XPO7: variants seen among roughly 807,000 people sequenced by gnomAD.
XPO7 encodes the protein exportin-7.
In XPO7, 21 loss-of-function variants were observed where a neutral mutation model predicts 144.3. The observed-to-expected ratio is 0.15, with a 90% confidence interval of 0.10 to 0.21. XPO7 has a LOEUF of 0.21. Ranked by LOEUF, XPO7 falls within the 10% of genes least tolerant of loss-of-function variation. The pLI is 1.00. For missense variants in XPO7, 808 were observed against 1,325.8 expected (o/e 0.61, Z 6.06); for synonymous variants, 580 against 499.6 (o/e 1.16, Z -2.15).
intron 1 of XPO7, among the ~76,000 whole-genome samples, chr8:21,948,175 A>G (rs1811253018): frequency 6.6e-6 from 1 of 152,236 alleles, no homozygotes; most frequent in Non-Finnish European, 1.5e-5. Context: ...TTCACAATGC[A>G]GTCATGCACT....
At chr8:21,989,468 A>G (rs1393798340) in intron 16 of XPO7, among the ~76,000 whole-genome samples, 2 of 152,218 alleles carry the variant, frequency 1.3e-5, no homozygotes, top group Admixed American at 6.5e-5. Context: ...AAGCTTTGTG[A>G]TTGAAGTGAT....
chr8:21,980,400 TGTAGGAGTTACAG>T (rs1302888591), intron 9 of XPO7, among the ~76,000 whole-genome samples, 197 bp downstream of exon 9: 1 of 152,162 alleles, frequency 6.6e-6, no homozygotes, highest in Non-Finnish European at 1.5e-5. Context: ...GCTTCAGAAA[TGTAGGAGTTACAG>T]GAAAGAATCA....
intron 12 of XPO7, among the ~76,000 whole-genome samples, 156 bp downstream of exon 12, chr8:21,984,995 C>A (rs1812532495): frequency 6.6e-6 from 1 of 152,184 alleles, no homozygotes; most frequent in Non-Finnish European, 1.5e-5. Context: ...TGAATAAATC[C>A]CTCAAGGGAC....
chr8:21,979,616 C>G (rs548108764), intron 8 of XPO7, among the ~76,000 whole-genome samples: 1 of 148,896 alleles, frequency 6.7e-6, no homozygotes, highest in African/African-American at 2.5e-5. Flanking sequence ...ACTATGTTTG[C>G]CAGGCTGGTC....
intron 1 of XPO7, among the ~76,000 whole-genome samples, chr8:21,958,787 C>T (rs570582123): frequency 2.2e-4 from 33 of 151,962 alleles, no homozygotes; most frequent in African/African-American, 8.0e-4. Flanking sequence ...TGGGGAAAAC[C>T]CCATCTCTAC....
At chr8:21,957,711 G>T (rs529653119) in intron 1 of XPO7, among the ~76,000 whole-genome samples, 2 of 152,154 alleles carry the variant, frequency 1.3e-5, no homozygotes, top group Non-Finnish European at 2.9e-5. Flanking sequence ...ATGTTAAGAC[G>T]TTCTTATGAA....
At chr8:21,994,289 G>A in intron 19 of XPO7, 74 bp from the exon 20 acceptor site, 1 of 1,083,588 alleles carries the variant, frequency 9.2e-7, no homozygotes, top group South Asian at 1.3e-5. Flanking sequence ...GATGATACAT[G>A]TGTGGAATCC....
intron 18 of XPO7, among the ~76,000 whole-genome samples, 193 bp downstream of exon 18, chr8:21,991,112 A>C (rs1472590574): frequency 6.6e-6 from 1 of 152,240 alleles, no homozygotes; most frequent in African/African-American, 2.4e-5. Flanking sequence ...AGAGAGTAAC[A>C]GTCTGCTCCT....
chr8:21,999,086 C>T lies in XPO7; in HGVS notation c.2429-5C>T. 1 of 1,613,836 alleles carries T rather than the reference C, an allele frequency of 6.2e-7. No individual in the cohort carries two copies. Among genetic ancestry groups the T allele is most frequent in the Non-Finnish European group, 8.5e-7 (1 of 1,179,744 alleles). On this transcript the variant is annotated splice_polypyrimidine_tract_variant and splice_region_variant and intron_variant, in intron 22 of 27. Transcript: ENST00000252512. ...TGAATAAACATATATGACATGTCTACTCAGGCAATCGCATCCTGACACTAG... is the reference window on the plus strand; with the variant it reads ...TGAATAAACATATATGACATGTCTATTCAGGCAATCGCATCCTGACACTAG...
At chr8:21,939,074 T>C (rs1563313158) in intron 1 of XPO7, among the ~76,000 whole-genome samples, 1 of 152,206 alleles carries the variant, frequency 6.6e-6, no homozygotes, top group Non-Finnish European at 1.5e-5. Flanking sequence ...AAATTTCAAG[T>C]TGATAATAAA....
chr8:21,946,640 A>ATTT (rs61593432), intron 1 of XPO7, among the ~76,000 whole-genome samples: 8 of 122,650 alleles, frequency 6.5e-5, no homozygotes, highest in South Asian at 2.6e-4. Context: ...GCAAAACAGG[A>ATTT]TTTTTTTTTT....
intron 1 of XPO7, among the ~76,000 whole-genome samples, chr8:21,942,796 G>A (rs557040589): frequency 5.9e-5 from 9 of 152,324 alleles, no homozygotes; most frequent in African/African-American, 2.2e-4. Context: ...TCACATGGAA[G>A]ACAATGTCAC....
chr8:21,940,314 T>C (rs1434933439), intron 1 of XPO7, among the ~76,000 whole-genome samples: 1 of 152,168 alleles, frequency 6.6e-6, no homozygotes, highest in African/African-American at 2.4e-5. Flanking sequence ...AAATAGTAGA[T>C]GAGTAATAAA....
At chr8:21,955,435 TC>T (rs1156791972) in intron 1 of XPO7, among the ~76,000 whole-genome samples, 4 of 152,242 alleles carry the variant, frequency 2.6e-5, no homozygotes, top group African/African-American at 7.2e-5. Flanking sequence ...ACAGTAAACT[TC>T]AACACGGATT....
chr8:21,983,989 A>G (rs964057178), intron 11 of XPO7, among the ~76,000 whole-genome samples: 1 of 152,226 alleles, frequency 6.6e-6, no homozygotes, highest in South Asian at 2.1e-4. Flanking sequence ...CTTGTCTGCA[A>G]TTCCAAAGTC....
In XPO7 at chr8:21,980,120, A is replaced by G; in HGVS notation, c.874A>G (p.Arg292Gly). The G allele has an allele frequency of 6.2e-7, 1 of 1,604,642 alleles. No individual in the cohort carries two copies. Among genetic ancestry groups the G allele is most frequent in the Non-Finnish European group, 8.5e-7 (1 of 1,175,034 alleles). Residue 292 changes from arginine (R) to glycine (G), a missense_variant, in exon 9 of 28, where the codon AGA becomes GGA. Arg to Gly is a moderately radical substitution (Grantham distance 125, BLOSUM62 -2). Coordinates refer to ENST00000252512, the MANE Select transcript of XPO7 (RefSeq NM_015024.5). ...CTTGGTACAGATCGCTTCAGTCAGAAGATCCCTGTTTAACAATGCAGAGAG... is the reference window on the plus strand; with the variant it reads ...CTTGGTACAGATCGCTTCAGTCAGAGGATCCCTGTTTAACAATGCAGAGAG... ...SCLVQIASVRRSLFNNAERAK... is the reference protein window; with the variant it reads ...SCLVQIASVRGSLFNNAERAK...
At chr8:21,949,266 AGG>A (rs1366981307) in intron 1 of XPO7, among the ~76,000 whole-genome samples, 1 of 152,168 alleles carries the variant, frequency 6.6e-6, no homozygotes, top group African/African-American at 2.4e-5. Context: ...TTTACTTCCT[AGG>A]GTAGCACGAG....
intron 5 of XPO7, among the ~76,000 whole-genome samples, chr8:21,973,019 A>T (rs111533390): frequency 0.012 from 1,803 of 152,158 alleles, 22 homozygotes; most frequent in South Asian, 0.028. Flanking sequence ...TTTTATTCTC[A>T]GAACAGTCAT....
intron 13 of XPO7, among the ~76,000 whole-genome samples, chr8:21,985,986 CT>C (rs933004179): frequency 4.6e-5 from 7 of 152,280 alleles, no homozygotes; most frequent in African/African-American, 1.7e-4. Flanking sequence ...ATATGGACTG[CT>C]TTTGCCATCC....
Sources: gnomAD v4.1 joint callset for allele counts (sites outside exome capture counted in the v4.1 genomes callset) on GRCh38, gnomAD v4.1.1 for gene constraint, MANE v1.5 for transcripts, NCBI Gene and HGNC (gene_info 2026-07-23, HGNC 2026-07-21) for gene names.